Variants in MYO1E observed in about 807,000 individuals in gnomAD.
MYO1E encodes the protein unconventional myosin-Ie.
In MYO1E, 68 loss-of-function variants were observed where a neutral mutation model predicts 151.1. That is an observed-to-expected ratio of 0.45 (90% CI 0.37 to 0.55). The LOEUF (loss-of-function observed/expected upper bound fraction) is 0.55. Among genes scored for constraint, MYO1E ranks in the 20% least tolerant of loss-of-function variants. MYO1E has a pLI of 0.00. For missense variants in MYO1E, 1,363 were observed against 1,389.3 expected (o/e 0.98, Z 0.30); for synonymous variants, 601 against 501.7 (o/e 1.20, Z -2.64).
chr15:59,180,682 C>G (rs1314600522), intron 18 of MYO1E, among the ~76,000 whole-genome samples: 1 of 151,960 alleles, frequency 6.6e-6, no homozygotes, highest in Non-Finnish European at 1.5e-5. Context: ...CTGATACATC[C>G]TCACCCCATC....
intron 22 of MYO1E, among the ~76,000 whole-genome samples, chr15:59,169,820 T>C (rs1187102001): frequency 6.6e-6 from 1 of 152,148 alleles, no homozygotes; most frequent in Non-Finnish European, 1.5e-5. Context: ...GACAACCCCC[T>C]CAAGGACTTA....
At chr15:59,162,127 C>A (rs2079541181) in intron 23 of MYO1E, among the ~76,000 whole-genome samples, 1 of 152,186 alleles carries the variant, frequency 6.6e-6, no homozygotes, top group Non-Finnish European at 1.5e-5. Context: ...ACCTCTGCCT[C>A]CTGGGCTCAA....
intron 26 of MYO1E, among the ~76,000 whole-genome samples, chr15:59,140,648 TGC>T (rs1491341106): frequency 2.0e-4 from 31 of 152,300 alleles, no homozygotes; most frequent in Middle Eastern, 3.4e-3. Context: ...TTTTGAGCTG[TGC>T]TCTCAGGAGC....
At position 59,281,824 on chromosome 15, in the gene MYO1E, C is replaced by T. The variant is rs139357623; in HGVS notation, c.4-9375G>A. On this transcript the variant is annotated intron_variant, in intron 1 of 27. Transcript: ENST00000288235. ...ACGAAGACAAATGTTGTAAGCCGGT[C>T]GCGGTGGCTCATGCCTGTAATCCCA... Among the ~76,000 whole-genome samples, 6 of 152,122 alleles carry T rather than the reference C, an allele frequency of 3.9e-5. No homozygotes were observed. The South Asian group carries it at 6.2e-4, about 16-fold the overall frequency.
chr15:59,360,718 C>G (rs556381973), intron 1 of MYO1E, among the ~76,000 whole-genome samples: 6 of 152,186 alleles, frequency 3.9e-5, no homozygotes, highest in Non-Finnish European at 7.4e-5. Flanking sequence ...AGCTCCGATT[C>G]CTCATGCCTT....
intron 9 of MYO1E, among the ~76,000 whole-genome samples, chr15:59,222,127 T>C (rs767376323): frequency 4.6e-5 from 7 of 152,208 alleles, no homozygotes; most frequent in Non-Finnish European, 8.8e-5. Flanking sequence ...CATCAGAAGT[T>C]AGCAGAACTT....
chr15:59,202,615 T>C (rs144965823), intron 15 of MYO1E, among the ~76,000 whole-genome samples: 2 of 152,246 alleles, frequency 1.3e-5, no homozygotes, highest in Non-Finnish European at 1.5e-5. Context: ...AATTCTAAGA[T>C]ATAAGCAATT....
At chr15:59,303,241 G>T (rs1433612934) in intron 1 of MYO1E, among the ~76,000 whole-genome samples, 1 of 152,134 alleles carries the variant, frequency 6.6e-6, no homozygotes, top group African/African-American at 2.4e-5. Flanking sequence ...GCGAAACCCT[G>T]TCTCTACCAA....
chr15:59,372,249 A>G (rs2080950692), intron 1 of MYO1E, among the ~76,000 whole-genome samples: 1 of 152,048 alleles, frequency 6.6e-6, no homozygotes, highest in African/African-American at 2.4e-5. Flanking sequence ...AGCCATAGCA[A>G]CCCGGCCACA....
chr15:59,323,096 G>C (rs1171505564), intron 1 of MYO1E, among the ~76,000 whole-genome samples: 2 of 146,380 alleles, frequency 1.4e-5, no homozygotes, highest in East Asian at 4.0e-4. Context: ...GTGAACCCAG[G>C]AGGCAGAGCT....
intron 1 of MYO1E, among the ~76,000 whole-genome samples, chr15:59,315,143 C>T (rs1352055416): frequency 6.6e-6 from 1 of 152,130 alleles, no homozygotes; most frequent in East Asian, 1.9e-4. Context: ...CTTTTTGAAG[C>T]TATCTGGCTT....
intron 4 of MYO1E, among the ~76,000 whole-genome samples, chr15:59,244,998 C>T (rs914310737): frequency 1.3e-5 from 2 of 152,204 alleles, no homozygotes; most frequent in Non-Finnish European, 1.5e-5. Context: ...CCTTGCTCTT[C>T]AGATTTACAG....
intron 4 of MYO1E, among the ~76,000 whole-genome samples, chr15:59,242,513 G>T (rs1405431068): frequency 6.6e-6 from 1 of 152,190 alleles, no homozygotes; most frequent in African/African-American, 2.4e-5. Flanking sequence ...GAGTCAATCA[G>T]TAAATAGGAG....
intron 22 of MYO1E, among the ~76,000 whole-genome samples, chr15:59,164,438 G>A (rs17190785): frequency 0.096 from 14,596 of 152,220 alleles, 739 homozygotes; most frequent in Middle Eastern, 0.16. Flanking sequence ...CCACAGACAC[G>A]GTTCTTTGTA....
chr15:59,216,687 C>CATAT (rs1555411960), intron 10 of MYO1E, among the ~76,000 whole-genome samples: 1 of 13,418 alleles, frequency 7.5e-5, no homozygotes, highest in African/African-American at 3.3e-4. Flanking sequence ...TATATATATA[C>CATAT]ACATACACAC....
At chr15:59,224,520 CA>C (rs2079976646) in intron 8 of MYO1E, among the ~76,000 whole-genome samples, 168 bp downstream of exon 8, 2 of 152,214 alleles carry the variant, frequency 1.3e-5, no homozygotes, top group African/African-American at 4.8e-5. Flanking sequence ...GCAACTGGCA[CA>C]TGGCTGTTTA....
chr15:59,207,065 G>A (rs1445864878), intron 14 of MYO1E: 4 of 1,614,178 alleles, frequency 2.5e-6, no homozygotes, highest in Non-Finnish European at 3.4e-6. Flanking sequence ...AACGGCACCT[G>A]GCTCTTCACC....
intron 5 of MYO1E, among the ~76,000 whole-genome samples, chr15:59,234,775 A>G (rs2080051828): frequency 6.7e-6 from 1 of 148,566 alleles, no homozygotes; most frequent in South Asian, 2.2e-4. Flanking sequence ...GTGAGCTGAG[A>G]TCATGCCACT....
chr15:59,344,340 C>T (rs2080782085), intron 1 of MYO1E, among the ~76,000 whole-genome samples: 1 of 152,238 alleles, frequency 6.6e-6, no homozygotes, highest in Non-Finnish European at 1.5e-5. Context: ...GGCAGAGACT[C>T]TTGTTCTTTT....
Sources: allele counts gnomAD v4.1 joint callset (sites outside exome capture counted in the v4.1 genomes callset), GRCh38; gene constraint gnomAD v4.1.1; transcripts MANE v1.5; gene names NCBI Gene and HGNC (gene_info 2026-07-23, HGNC 2026-07-21).